The following MAN2B2 variants were observed in gnomAD, a reference collection of about 807,000 sequenced individuals.
MAN2B2 encodes mannosidase alpha class 2B member 2.
MAN2B2 carries 106 observed loss-of-function variants against 117.1 expected under a neutral mutation model. That is an observed-to-expected ratio of 0.90 (90% CI 0.77 to 1.06). The LOEUF (loss-of-function observed/expected upper bound fraction) is 1.06, where lower values mean the gene tolerates loss of function less well. Ranked by LOEUF, MAN2B2 falls within the 50% of genes least tolerant of loss-of-function variation. MAN2B2 has a pLI of 0.00. For synonymous variants in MAN2B2, 544 were observed against 595.1 expected (o/e 0.91, Z 1.25); for missense variants, 1,326 against 1,381.4 (o/e 0.96, Z 0.64).
chr4:6,603,995 G>C (rs1231281291), intron 10 of MAN2B2, among the ~76,000 whole-genome samples: 1 of 152,246 alleles, frequency 6.6e-6, no homozygotes, highest in Non-Finnish European at 1.5e-5. Flanking sequence ...ACACCTTGGA[G>C]GTGAGCAGAG....
chr4:6,609,195 T>G lies in MAN2B2; in HGVS notation c.1903T>G (p.Tyr635Asp), dbSNP rs1354774461. The G allele has an allele frequency of 1.9e-6, 3 of 1,614,210 alleles. No individual in the cohort carries two copies. Among genetic ancestry groups the G allele is most frequent in the Non-Finnish European group, 2.5e-6 (3 of 1,180,042 alleles). The change falls in exon 12 of 19, where the codon TAC (tyrosine) becomes GAC (aspartate). Residue 635 changes from tyrosine (Y) to aspartate (D), a missense_variant. Tyr to Asp is a radical substitution (Grantham distance 160, BLOSUM62 -3). Coordinates refer to ENST00000285599, the MANE Select transcript of MAN2B2 (RefSeq NM_015274.3). ...DVKQGPISDN[Y>D]LFTPGKAAVP... is the part of the protein sequence containing the mutation. ...GAAACAGGGCCCCATTTCCGATAAC[T>G]ACCTGTTCACACCGGGCAAGGCCGC...
At chr4:6,597,687 G>T (rs991600561) in intron 8 of MAN2B2, among the ~76,000 whole-genome samples, 30 of 152,334 alleles carry the variant, frequency 2.0e-4, no homozygotes, top group African/African-American at 7.0e-4. Flanking sequence ...CAACGAGCTT[G>T]CCCAGGAGGA....
In MAN2B2 at chr4:6,587,033, G is replaced by T; in HGVS notation, c.429G>T (p.Arg143=). 2 of 1,614,056 alleles carry T rather than the reference G, an allele frequency of 1.2e-6. No individual in the cohort carries two copies. The highest frequency in any genetic ancestry group is 2.2e-5 in the South Asian group (2 of 91,078). Residue 143 remains arginine (R), a synonymous_variant, in exon 4 of 19, where the codon CGG becomes CGT. Transcript: ENST00000285599. ...HGFLYETFGI[R]PQFSWHVDPF... The stretch of plus-strand genomic sequence containing the variant: ...TTCTCTATGAAACATTTGGGATCCG[G>T]CCACAGTTCTCCTGGCACGTTGACC...
chr4:6,586,988 CTT>C lies in MAN2B2; in HGVS notation c.392-6_392-5del, dbSNP rs1258388517. 6.2e-7 allele frequency: 1 copy of C among 1,611,274 alleles called. No homozygotes were observed. The highest frequency in any genetic ancestry group is 8.5e-7 in the Non-Finnish European group (1 of 1,178,412). ...CCAGGCACCAGCAGGGTGTTGCTGT[CTT>C]TGCAGAAGGACACGGGTTTCTCTAT... On this transcript the variant is annotated splice_polypyrimidine_tract_variant and splice_region_variant and intron_variant, in intron 3 of 18. Transcript: ENST00000285599.
intron 18 of MAN2B2, 59 bp downstream of exon 18, chr4:6,620,103 G>A (rs1712098235): frequency 7.1e-7 from 1 of 1,408,070 alleles, no homozygotes; most frequent in South Asian, 1.3e-5. Context: ...TCAGCAGCTG[G>A]TCAGACCCGG....
rs1295274739 is a variant in MAN2B2 at position 6,622,561 on chromosome 4, C to G, written c.*1276C>G. ...TCAAGCAATTCTCCAGCCTCTGCCT[C>G]CCGAGTAGCTGCTACTAGAGATGCA... is the stretch of plus-strand genomic sequence containing the variant. On this transcript the variant is annotated 3_prime_UTR_variant, in exon 19 of 19. Transcript: ENST00000285599. 6.6e-6 allele frequency: 1 copy of G among 151,928 alleles called. No individual in the cohort carries two copies. Among genetic ancestry groups the G allele is most frequent in the Non-Finnish European group, 1.5e-5 (1 of 68,004 alleles). The allele number at this position is 151,928 out of a possible 1,614,324, so 9.4% of individuals were successfully genotyped here.
At chr4:6,611,028 G>T in intron 14 of MAN2B2, 38 bp downstream of exon 14, 1 of 1,612,940 alleles carries the variant, frequency 6.2e-7, no homozygotes, top group Non-Finnish European at 8.5e-7. Context: ...GCCCCTCGCG[G>T]CCCCCTACAG....
rs747826053 is a variant in MAN2B2 at position 6,597,238 on chromosome 4, C to T, written c.1183C>T (p.Arg395Cys). Residue 395 changes from arginine (R) to cysteine (C), a missense_variant, in exon 8 of 19, where the codon CGT becomes TGT. Arg to Cys is a radical substitution (Grantham distance 180). Transcript: ENST00000285599. ...MFTRYLWPAP[R>C]GHLDPTWALQ... ...CACACGCTACCTGTGGCCGGCCCCC[C>T]GTGGGCATCTGGACCCCACCTGGGC... 21 of 1,604,586 alleles carry T rather than the reference C, an allele frequency of 1.3e-5. No individual in the cohort carries two copies. The highest frequency in any genetic ancestry group is 3.4e-5 in the Admixed American group (2 of 59,060).
At chr4:6,597,680 C>T (rs573494629) in intron 8 of MAN2B2, among the ~76,000 whole-genome samples, 4 of 152,314 alleles carry the variant, frequency 2.6e-5, no homozygotes, top group South Asian at 2.1e-4. Context: ...ATGAGAACAA[C>T]GAGCTTGCCC....
At chr4:6,580,158 T>A (rs933659552) in intron 3 of MAN2B2, among the ~76,000 whole-genome samples, 3 of 152,192 alleles carry the variant, frequency 2.0e-5, no homozygotes, top group African/African-American at 2.4e-5. Context: ...CTTACTGCCT[T>A]ACATCTGGAC....
At chr4:6,612,628 G>A (rs1711623140) in intron 15 of MAN2B2, among the ~76,000 whole-genome samples, 1 of 152,244 alleles carries the variant, frequency 6.6e-6, no homozygotes. Context: ...CAGATTCCCA[G>A]AAGAGGAAAT....
intron 6 of MAN2B2, 98 bp downstream of exon 6, chr4:6,593,448 C>T (rs1466690182): frequency 1.6e-6 from 2 of 1,260,694 alleles, no homozygotes; most frequent in East Asian, 5.6e-5. Context: ...CCAGACCCAG[C>T]TAGGCAGCCA....
At chr4:6,609,349 G>T in intron 12 of MAN2B2, 51 bp downstream of exon 12, 1 of 1,561,900 alleles carries the variant, frequency 6.4e-7, no homozygotes, top group Non-Finnish European at 8.7e-7. Context: ...CAGCGCACGC[G>T]TGCAGGCAGC....
chr4:6,603,857 G>A (rs1727427354), intron 10 of MAN2B2, among the ~76,000 whole-genome samples: 1 of 152,112 alleles, frequency 6.6e-6, no homozygotes, highest in Admixed American at 6.5e-5. Flanking sequence ...CAGGGAACAG[G>A]TATCTGCTGT....
chr4:6,594,663 C>T lies in MAN2B2; in HGVS notation c.988C>T (p.Arg330Cys), dbSNP rs772632113. 17 of 1,613,356 alleles carry T rather than the reference C, an allele frequency of 1.1e-5. No individual in the cohort carries two copies. In the East Asian group the frequency reaches 1.3e-4, roughly 13 times the overall value. The change falls in exon 7 of 19, where the codon CGT becomes TGT. Residue 330 changes from arginine to cysteine, a missense_variant. Arg to Cys is a radical substitution (Grantham distance 180). Coordinates refer to ENST00000285599, the MANE Select transcript of MAN2B2 (RefSeq NM_015274.3). ...GTATGCCACGCTGGGCGACTACTTC[C>T]GTGCCCTGCACGCTCTCAATGTCAC... is the stretch of plus-strand genomic sequence containing the variant. The part of the protein sequence containing the change: ...VQYATLGDYF[R>C]ALHALNVTWR...
At position 6,597,194 on chromosome 4, in the gene MAN2B2, A is replaced by G; in HGVS notation, c.1139A>G (p.Tyr380Cys). ...GLARRASALL[Y>C]AGESMFTRYL... Reference sequence around the variant, plus strand: ...GCCCGGCGAGCCAGCGCCTTGTTGTATGCCGGGGAGTCCATGTTCACACGC... The same window carrying G: ...GCCCGGCGAGCCAGCGCCTTGTTGTGTGCCGGGGAGTCCATGTTCACACGC... Residue 380 changes from tyrosine (Y) to cysteine (C), a missense_variant, in exon 8 of 19, where the codon TAT (tyrosine) becomes TGT (cysteine). Transcript: ENST00000285599. 1 of 1,612,474 alleles carries G rather than the reference A, an allele frequency of 6.2e-7. No individual in the cohort carries two copies. Among genetic ancestry groups the G allele is most frequent in the Non-Finnish European group, 8.5e-7 (1 of 1,179,640 alleles).
At chr4:6,583,051 T>C (rs1037943939) in intron 3 of MAN2B2, among the ~76,000 whole-genome samples, 2 of 152,224 alleles carry the variant, frequency 1.3e-5, no homozygotes, top group East Asian at 1.9e-4. Flanking sequence ...GGGATCCACG[T>C]TGCTTCCATC....
chr4:6,601,948 C>T (rs2108748798), intron 10 of MAN2B2, among the ~76,000 whole-genome samples: 1 of 152,314 alleles, frequency 6.6e-6, no homozygotes, highest in South Asian at 2.1e-4. Context: ...GGACACACAG[C>T]CGTTGAGGGG....
rs113387521 is a variant in MAN2B2, at chr4:6,616,809, G to A, written c.2702-571G>A. Among the ~76,000 whole-genome samples, 1,145 of 152,260 alleles carry A rather than the reference G, an allele frequency of 7.5e-3. 23 individuals carry two copies. The highest frequency in any genetic ancestry group is 0.025 in the African/African-American group (1,045 of 41,540). ...CCTGGGTGGGAATCCTCCCTCTGCC[G>A]CGCACCAGCTGTATGCCTTGGGCAC... On this transcript the variant is annotated intron_variant, in intron 16 of 18. Coordinates refer to ENST00000285599, the MANE Select transcript of MAN2B2 (RefSeq NM_015274.3).
Sources: gnomAD v4.1 joint callset for allele counts (sites outside exome capture counted in the v4.1 genomes callset) on GRCh38, gnomAD v4.1.1 for gene constraint, MANE v1.5 for transcripts, NCBI Gene and HGNC (gene_info 2026-07-23, HGNC 2026-07-21) for gene names.